The following VAT1L variants were observed in gnomAD, a reference collection of about 807,000 sequenced individuals.
VAT1L encodes the protein vesicle amine transport 1 like, also known as putative NADPH-dependent quinone oxidoreductase VAT1L.
VAT1L carries 34 observed loss-of-function variants against 44.1 expected under a neutral mutation model. The ratio of observed to expected loss-of-function variants is 0.77; its 90% CI spans 0.59 to 1.03. The LOEUF (loss-of-function observed/expected upper bound fraction) is 1.03. VAT1L is among the 50% of genes least tolerant of loss of function. VAT1L has a pLI of 0.00. For missense variants in VAT1L, 615 were observed against 538.8 expected (o/e 1.14, Z -1.40); for synonymous variants, 253 against 202.2 (o/e 1.25, Z -2.13).
At chr16:77,893,464 G>A (rs1348518755) in intron 7 of VAT1L, among the ~76,000 whole-genome samples, 1 of 152,240 alleles carries the variant, frequency 6.6e-6, no homozygotes, top group African/African-American at 2.4e-5. Flanking sequence ...GATGAGCTTA[G>A]ATGTGAGTTT....
At chr16:77,846,336 C>A (rs28683605) in intron 3 of VAT1L, among the ~76,000 whole-genome samples, 4 of 152,116 alleles carry the variant, frequency 2.6e-5, no homozygotes, top group African/African-American at 9.7e-5. Flanking sequence ...CCTCAGTGAA[C>A]CACAATGACA....
At chr16:77,913,205 G>T (rs574772727) in intron 7 of VAT1L, among the ~76,000 whole-genome samples, 2 of 152,010 alleles carry the variant, frequency 1.3e-5, no homozygotes, top group South Asian at 4.2e-4. Context: ...TTTTTATTGT[G>T]GCAAAAACAC....
chr16:77,864,110 T>G (rs1000138121), intron 4 of VAT1L, among the ~76,000 whole-genome samples: 1 of 152,186 alleles, frequency 6.6e-6, no homozygotes, highest in Admixed American at 6.5e-5. Context: ...GCTGCCATCA[T>G]GGTTTTAGAT....
chr16:77,791,315 G>A (rs1286165778), intron 1 of VAT1L, among the ~76,000 whole-genome samples: 1 of 152,136 alleles, frequency 6.6e-6, no homozygotes, highest in Non-Finnish European at 1.5e-5. Context: ...AATAGGATAT[G>A]CTTTTTGCTT....
At chr16:77,801,886 C>G (rs1054884421) in intron 1 of VAT1L, among the ~76,000 whole-genome samples, 6 of 152,138 alleles carry the variant, frequency 3.9e-5, no homozygotes, top group South Asian at 4.2e-4. Flanking sequence ...GTTAAACTCC[C>G]TAAAATTGTT....
intron 3 of VAT1L, among the ~76,000 whole-genome samples, chr16:77,826,080 G>T (rs1227455961): frequency 7.0e-6 from 1 of 142,540 alleles, no homozygotes; most frequent in Non-Finnish European, 1.5e-5. Context: ...AGTGGCGGGC[G>T]CCTGTAGTCC....
chr16:77,889,546 T>C (rs976834264), intron 7 of VAT1L, among the ~76,000 whole-genome samples: 2 of 152,226 alleles, frequency 1.3e-5, no homozygotes, highest in Non-Finnish European at 2.9e-5. Context: ...AACATGTTAA[T>C]ACTTGCATTT....
At chr16:77,973,677 A>C (rs1351812615) in intron 8 of VAT1L, among the ~76,000 whole-genome samples, 1 of 145,924 alleles carries the variant, frequency 6.9e-6, no homozygotes, top group Non-Finnish European at 1.5e-5. Context: ...CAGTTCTTTA[A>C]AAAAAAAAAA....
intron 1 of VAT1L, among the ~76,000 whole-genome samples, chr16:77,815,984 A>AC: frequency 6.8e-6 from 1 of 146,220 alleles, no homozygotes; most frequent in East Asian, 2.0e-4. Context: ...AAAAAAAAAA[A>AC]AAAAAGTACA....
At chr16:77,906,267 G>A (rs2017435509) in intron 7 of VAT1L, among the ~76,000 whole-genome samples, 1 of 152,180 alleles carries the variant, frequency 6.6e-6, no homozygotes, top group Admixed American at 6.5e-5. Context: ...TAATTACAGT[G>A]CAATGTGGAG....
At position 77,817,128 on chromosome 16, in the gene VAT1L, T is replaced by A. The variant is rs115061297; in HGVS notation, c.363+78T>A. On this transcript the variant is annotated intron_variant, in intron 2 of 8. Transcript: ENST00000302536. ...CAACAAAAGATGATGCAGAAAGAAA[T>A]GTCTGAAATAACCTATGGCGTGCAT... 8.2e-4 allele frequency: 1,280 copies of A among 1,556,832 alleles called. 8 individuals carry two copies. In the African/African-American group the frequency reaches 0.015, roughly 18 times the overall value.
At chr16:77,825,168 G>GC in intron 2 of VAT1L, 78 bp from the exon 3 acceptor site, 1 of 1,529,844 alleles carries the variant, frequency 6.5e-7, no homozygotes, top group Non-Finnish European at 9.0e-7. Context: ...CGCCTGGCCA[G>GC]CTCCCAGTAA....
At chr16:77,806,652 T>G (rs1199873722) in intron 1 of VAT1L, among the ~76,000 whole-genome samples, 1 of 152,128 alleles carries the variant, frequency 6.6e-6, no homozygotes, top group African/African-American at 2.4e-5. Flanking sequence ...CTGATCTCTT[T>G]ATTTTTCTAA....
chr16:77,904,184 C>CTTTTTTTTTT (rs59219677), intron 7 of VAT1L, among the ~76,000 whole-genome samples: 1 of 135,402 alleles, frequency 7.4e-6, no homozygotes, highest in African/African-American at 2.7e-5. Context: ...TACTGATTTG[C>CTTTTTTTTTT]TTTTTTTTTT....
At chr16:77,829,426 A>G (rs1191089781) in intron 3 of VAT1L, among the ~76,000 whole-genome samples, 1 of 152,232 alleles carries the variant, frequency 6.6e-6, no homozygotes, top group Non-Finnish European at 1.5e-5. Context: ...CATGTGAGGA[A>G]TACCAAACTT....
At chr16:77,916,380 G>A (rs567465697) in intron 7 of VAT1L, among the ~76,000 whole-genome samples, 8 of 152,328 alleles carry the variant, frequency 5.3e-5, no homozygotes, top group Non-Finnish European at 1.0e-4. Context: ...CCTGAGCCAC[G>A]AAGTAGCTGT....
intron 3 of VAT1L, among the ~76,000 whole-genome samples, chr16:77,843,831 T>A (rs1000367181): frequency 6.6e-6 from 1 of 152,120 alleles, no homozygotes. Context: ...CCCCACAGCA[T>A]GGGGAGACAA....
chr16:77,868,299 C>G (rs2016996344), intron 4 of VAT1L, among the ~76,000 whole-genome samples: 3 of 152,064 alleles, frequency 2.0e-5, no homozygotes, highest in Admixed American at 2.0e-4. Context: ...GAAGTGAGAC[C>G]ATTGTAAATG....
In VAT1L at chr16:77,876,440, C is replaced by A; in HGVS notation, c.793C>A (p.Leu265Ile). The change falls in exon 5 of 9, where the codon CTT (leucine) becomes ATT (isoleucine). Residue 265 changes from leucine (L) to isoleucine (I), a missense_variant. Coordinates refer to ENST00000302536, the MANE Select transcript of VAT1L (RefSeq NM_020927.3). ...GGACAACACTGGAAAAGGTCTCAGT[C>A]TTCTCAAACCCCTGGGAACCTACAT... ...CGDNTGKGLS[L>I]LKPLGTYILY... is the part of the protein sequence containing the mutation. The A allele has an allele frequency of 6.2e-7, 1 of 1,614,184 alleles. No individual in the cohort carries two copies. The highest frequency in any genetic ancestry group is 1.3e-5 in the African/African-American group (1 of 75,058).
Sources: gnomAD v4.1 joint callset for allele counts (sites outside exome capture counted in the v4.1 genomes callset) on GRCh38, gnomAD v4.1.1 for gene constraint, MANE v1.5 for transcripts, NCBI Gene and HGNC (gene_info 2026-07-23, HGNC 2026-07-21) for gene names.